Variants in SMYD3 observed in about 807,000 individuals in gnomAD.
SMYD3 encodes the protein SET and MYND domain containing 3.
In SMYD3, 36 loss-of-function variants were observed where a neutral mutation model predicts 57.7. The observed-to-expected ratio is 0.62, with a 90% CI of 0.48 to 0.82. The LOEUF (loss-of-function observed/expected upper bound fraction) is 0.82. Among genes scored for constraint, SMYD3 ranks in the 40% least tolerant of loss-of-function variants. SMYD3 has a pLI of 0.00. For synonymous variants in SMYD3, 211 were observed against 195.0 expected (o/e 1.08, Z -0.68); for missense variants, 515 against 538.8 (o/e 0.96, Z 0.44).
At chr1:246,404,822 T>G (rs2066833648) in intron 1 of SMYD3, among the ~76,000 whole-genome samples, 1 of 152,188 alleles carries the variant, frequency 6.6e-6, no homozygotes, top group Non-Finnish European at 1.5e-5. Flanking sequence ...CTGATTACCA[T>G]ATTGGACAGA....
intron 2 of SMYD3, among the ~76,000 whole-genome samples, chr1:246,342,258 C>T (rs769907635): frequency 4.6e-5 from 7 of 152,100 alleles, no homozygotes; most frequent in African/African-American, 9.7e-5. Flanking sequence ...TTTTTTCCTA[C>T]ATATTCAGGA....
At chr1:245,913,688 A>AC (rs35555361) in intron 8 of SMYD3, among the ~76,000 whole-genome samples, 136,191 of 152,148 alleles carry the variant, frequency 0.9, 62,744 homozygotes, top group South Asian at 1. Context: ...TGAAGAGACA[A>AC]CTATAAAATG....
intron 10 of SMYD3, among the ~76,000 whole-genome samples, chr1:245,857,376 T>G (rs1000869230): frequency 5.3e-5 from 8 of 152,208 alleles, no homozygotes; most frequent in Non-Finnish European, 7.3e-5. Flanking sequence ...ACAAATATCC[T>G]AGACCCTGGA....
In SMYD3 at chr1:245,943,286, T is replaced by C. The variant is rs1265117944; in HGVS notation, c.532-13349A>G. ...AGGGAGAGGAATCAAACAGACACAATGAAAAATGATAAAGGGGATATCACC... is the reference window on the plus strand; with the variant it reads ...AGGGAGAGGAATCAAACAGACACAACGAAAAATGATAAAGGGGATATCACC... On this transcript the variant is annotated intron_variant, in intron 5 of 11. Transcript: ENST00000490107. 3.0e-5 allele frequency among the ~76,000 whole-genome samples: 4 copies of C among 131,492 alleles called. No homozygotes were observed. In the East Asian group the frequency reaches 8.6e-4, roughly 28 times the overall value. The allele number at this position is 131,492 out of a possible 152,430, so 86.3% of individuals were successfully genotyped here. A position where few individuals can be genotyped will look rare whatever the true frequency, so the allele number is the denominator to read the frequency against.
intron 8 of SMYD3, among the ~76,000 whole-genome samples, chr1:245,914,142 T>G (rs1423234389): frequency 6.6e-6 from 1 of 152,196 alleles, no homozygotes; most frequent in East Asian, 1.9e-4. Context: ...CTGCCATTAC[T>G]TTTAATGGCA....
At chr1:246,060,705 A>G (rs544905638) in intron 5 of SMYD3, among the ~76,000 whole-genome samples, 82 of 152,228 alleles carry the variant, frequency 5.4e-4, no homozygotes, top group African/African-American at 2.0e-3. Context: ...CCTAGATCTC[A>G]TGTCTGGCAT....
At chr1:246,039,145 A>G (rs2148288348) in intron 5 of SMYD3, among the ~76,000 whole-genome samples, 1 of 152,322 alleles carries the variant, frequency 6.6e-6, no homozygotes, top group South Asian at 2.1e-4. Context: ...TTCAGCATGG[A>G]TTTGCATCCT....
At chr1:245,795,056 C>T (rs1406281584) in intron 10 of SMYD3, among the ~76,000 whole-genome samples, 4 of 152,146 alleles carry the variant, frequency 2.6e-5, no homozygotes, top group African/African-American at 9.7e-5. Flanking sequence ...ATTTCAGTGG[C>T]AGGTTCTCTC....
At chr1:246,435,886 T>C (rs1053491965) in intron 1 of SMYD3, among the ~76,000 whole-genome samples, 2 of 150,016 alleles carry the variant, frequency 1.3e-5, no homozygotes, top group Non-Finnish European at 2.9e-5. Context: ...CATTTGAATT[T>C]CCCTCTATTA....
intron 10 of SMYD3, among the ~76,000 whole-genome samples, chr1:245,809,102 G>T (rs1176249457): frequency 1.3e-5 from 2 of 152,144 alleles, no homozygotes; most frequent in African/African-American, 2.4e-5. Flanking sequence ...CTTTTCATGA[G>T]GTCTCCAAAT....
chr1:246,075,361 T>C (rs1223406880), intron 5 of SMYD3, among the ~76,000 whole-genome samples: 20 of 152,174 alleles, frequency 1.3e-4, no homozygotes, highest in Admixed American at 1.3e-3. Context: ...CTCAGCATGA[T>C]ATTGTTGCCT....
intron 5 of SMYD3, among the ~76,000 whole-genome samples, chr1:246,046,369 G>A (rs777440117): frequency 5.9e-5 from 9 of 152,118 alleles, no homozygotes; most frequent in Middle Eastern, 3.4e-3. Context: ...GCAAACTATC[G>A]CAAGGACAGA....
chr1:246,233,524 AGAG>A (rs1172148183), intron 5 of SMYD3, among the ~76,000 whole-genome samples: 2 of 141,350 alleles, frequency 1.4e-5, no homozygotes, highest in African/African-American at 2.6e-5. Flanking sequence ...TATACCACAC[AGAG>A]GAGAAGCACT....
chr1:245,771,079 TACATATATATACCC>T lies in SMYD3; in HGVS notation c.1077-6944_1077-6931del, dbSNP rs985993158. Among the ~76,000 whole-genome samples the T allele has an allele frequency of 3.3e-5, 5 of 152,010 alleles. No homozygotes were observed. In the South Asian group the frequency reaches 1.0e-3, roughly 32 times the overall value. The stretch of plus-strand genomic sequence containing the variant: ...ACACACATACACACATATACATACA[TACATATATATACCC>T]ACATATATACATACATATATACACA... On this transcript the variant is annotated intron_variant, in intron 10 of 11. Coordinates refer to ENST00000490107, the MANE Select transcript of SMYD3 (RefSeq NM_001167740.2).
intron 5 of SMYD3, among the ~76,000 whole-genome samples, chr1:246,097,244 T>G (rs2060930568): frequency 1.3e-5 from 2 of 152,190 alleles, no homozygotes; most frequent in Admixed American, 1.3e-4. Flanking sequence ...AGGAGGTCAG[T>G]GCTTGGCACA....
intron 5 of SMYD3, among the ~76,000 whole-genome samples, chr1:246,046,373 G>A (rs1329898321): frequency 2.0e-5 from 3 of 151,994 alleles, no homozygotes; most frequent in Non-Finnish European, 4.4e-5. Context: ...ACTATCGCAA[G>A]GACAGAAAAT....
chr1:245,929,279 A>G (rs1224682072), intron 6 of SMYD3, among the ~76,000 whole-genome samples: 7 of 152,234 alleles, frequency 4.6e-5, no homozygotes, highest in South Asian at 2.1e-4. Flanking sequence ...ATTCACAATT[A>G]TTAGAAAGTC....
rs992919095 is a variant in SMYD3 at position 246,442,490 on chromosome 1, A to G, written c.164+64564T>C. Among the ~76,000 whole-genome samples the G allele has an allele frequency of 2.0e-5, 3 of 152,042 alleles. No homozygotes were observed. In the East Asian group the frequency reaches 5.8e-4, roughly 29 times the overall value. Reference sequence around the variant, plus strand: ...TTGAACCTGGGAGGCAGAGGTCGCAATGAGCCAAGATCCCACCACTGCACT... The same window carrying G: ...TTGAACCTGGGAGGCAGAGGTCGCAGTGAGCCAAGATCCCACCACTGCACT... On this transcript the variant is annotated intron_variant, in intron 1 of 11. Transcript: ENST00000490107.
At chr1:246,398,364 G>A (rs536938537) in intron 1 of SMYD3, among the ~76,000 whole-genome samples, 4 of 152,356 alleles carry the variant, frequency 2.6e-5, no homozygotes, top group African/African-American at 9.6e-5. Context: ...GCCCAGAAAT[G>A]GGCAAGGACA....
Sources: gnomAD v4.1 joint callset for allele counts (sites outside exome capture counted in the v4.1 genomes callset) on GRCh38, gnomAD v4.1.1 for gene constraint, MANE v1.5 for transcripts, NCBI Gene and HGNC (gene_info 2026-07-23, HGNC 2026-07-21) for gene names.